BRWD3: variants seen among roughly 807,000 people sequenced by gnomAD.
The protein encoded by BRWD3 is bromodomain and WD repeat-containing protein 3.
Under a neutral mutation model 149.7 loss-of-function variants are expected in BRWD3, and 10 were observed. That is an observed-to-expected ratio of 0.07 (90% confidence interval 0.04 to 0.11). The LOEUF is 0.11. Ranked by LOEUF, BRWD3 falls within the 10% of genes least tolerant of loss-of-function variation. The pLI, the probability that BRWD3 is intolerant of heterozygous loss-of-function variation, is 1.00. For synonymous variants in BRWD3, 504 were observed against 456.7 expected (o/e 1.10, Z -1.32); for missense variants, 940 against 1,373.2 (o/e 0.68, Z 4.99).
intron 6 of BRWD3, among the ~76,000 whole-genome samples, chrX:80,790,626 G>A (rs1482774801): frequency 9.0e-6 from 1 of 110,896 alleles, no homozygotes; most frequent in Non-Finnish European, 1.9e-5. Context: ...TATATGCTTA[G>A]TTAAAAGAAA....
In BRWD3 at chrX:80,676,803, C is replaced by T; in HGVS notation, c.5215G>A (p.Gly1739Arg). 2 of 1,211,229 alleles carry T rather than the reference C, an allele frequency of 1.7e-6. No homozygotes were observed. Among genetic ancestry groups the T allele is most frequent in the Non-Finnish European group, 2.2e-6 (2 of 895,306 alleles). The change falls in exon 41 of 41, where the codon GGA (glycine) becomes AGA (arginine). Residue 1739 changes from glycine (G) to arginine (R), a missense_variant. Gly to Arg is a moderately radical substitution (Grantham distance 125). Around this residue, in one of 6 missense-constraint regions of BRWD3, gnomAD observed 349 missense variants for 419.6 expected, o/e 0.83. Transcript: ENST00000373275. ...ADDEFDTMFS[G>R]RFSRLPRIKT... Reference sequence around the variant, plus strand: ...ATTCGAGGCAGTCTACTGAAACGTCCTGAAAACATGGTATCAAATTCATCA... The same window carrying T: ...ATTCGAGGCAGTCTACTGAAACGTCTTGAAAACATGGTATCAAATTCATCA...
intron 6 of BRWD3, among the ~76,000 whole-genome samples, chrX:80,755,196 G>A (rs980794052): frequency 3.7e-5 from 4 of 109,249 alleles, no homozygotes; most frequent in East Asian, 2.8e-4. Flanking sequence ...TTTAAAAACC[G>A]CTTTACAAAA....
chrX:80,805,663 C>T (rs773691063), intron 4 of BRWD3, among the ~76,000 whole-genome samples: 1 of 112,171 alleles, frequency 8.9e-6, no homozygotes, highest in Non-Finnish European at 1.9e-5. Context: ...AGGCCGGGCG[C>T]GGTGGCTCAT....
intron 8 of BRWD3, among the ~76,000 whole-genome samples, chrX:80,738,698 G>A (rs1443185631): frequency 9.0e-6 from 1 of 111,633 alleles, no homozygotes; most frequent in African/African-American, 3.3e-5. Flanking sequence ...CCCTGAGAGG[G>A]TGACATGTGC....
chrX:80,709,613 A>G (rs778355366), intron 20 of BRWD3, 36 bp from the exon 21 acceptor site: 1 of 1,172,170 alleles, frequency 8.5e-7, no homozygotes, highest in Non-Finnish European at 1.2e-6. Flanking sequence ...TTAAAAAAGG[A>G]AAAGCTCAGT....
chrX:80,691,201 T>C, intron 30 of BRWD3, 28 bp from the exon 31 acceptor site: 3 of 1,197,224 alleles, frequency 2.5e-6, no homozygotes, highest in Non-Finnish European at 2.3e-6. Flanking sequence ...TCAAATAAGG[T>C]AGCTATAAAG....
intron 33 of BRWD3, 109 bp from the exon 34 acceptor site, chrX:80,688,234 C>T: frequency 1.6e-6 from 1 of 627,000 alleles, no homozygotes; most frequent in Non-Finnish European, 2.7e-6. Flanking sequence ...TTAACTTTCC[C>T]CACTGGAGCA....
intron 12 of BRWD3, among the ~76,000 whole-genome samples, chrX:80,731,755 C>T (rs778082237): frequency 8.3e-5 from 9 of 108,249 alleles, no homozygotes; most frequent in Non-Finnish European, 1.3e-4. Context: ...ATTAGCCAGG[C>T]GTGGTGGCGG....
chrX:80,746,759 G>T, intron 6 of BRWD3: 1 of 480,700 alleles, frequency 2.1e-6, no homozygotes, highest in Non-Finnish European at 2.6e-6. Context: ...CTGAGTTCTA[G>T]CTAGATTAGT....
intron 4 of BRWD3, among the ~76,000 whole-genome samples, chrX:80,801,214 C>CTTTTTTTTTT (rs763933804): frequency 1.7e-5 from 1 of 57,391 alleles, no homozygotes; most frequent in Admixed American, 2.9e-4. Flanking sequence ...GAGAAAACAT[C>CTTTTTTTTTT]TTTTTTTTTT....
At chrX:80,808,499 TGAAA>T in intron 4 of BRWD3, 36 bp downstream of exon 4, 1 of 1,148,278 alleles carries the variant, frequency 8.7e-7, no homozygotes, top group Non-Finnish European at 1.2e-6. Flanking sequence ...GAGGGAGTGG[TGAAA>T]GAGTTAGGTT....
At position 80,809,147 on chromosome X, in the gene BRWD3, G is replaced by T. The variant is rs954075523; in HGVS notation, c.90+99C>A. 36 of 1,139,255 alleles carry T rather than the reference G, an allele frequency of 3.2e-5. No homozygotes were observed. The Admixed American group carries it at 9.3e-4, about 29-fold the overall frequency. The allele number at this position is 1,139,255 out of a possible 1,213,427, so 93.9% of individuals were successfully genotyped here. A position where few individuals can be genotyped will look rare whatever the true frequency, so the allele number is the denominator to read the frequency against. On this transcript the variant is annotated intron_variant, in intron 2 of 40. Transcript: ENST00000373275. ...GCTGACCGTTTGACTAGTCAAGGCC[G>T]GCCTTTCCCTCACCCTCAACGGAAC...
intron 28 of BRWD3, 40 bp from the exon 29 acceptor site, chrX:80,692,190 T>C: frequency 2.7e-6 from 3 of 1,114,116 alleles, no homozygotes; most frequent in East Asian, 3.0e-5. Context: ...ATTAATCATA[T>C]AGTACTTCCT....
At chrX:80,754,824 T>C (rs2073718196) in intron 6 of BRWD3, among the ~76,000 whole-genome samples, 1 of 111,174 alleles carries the variant, frequency 9.0e-6, no homozygotes, top group Non-Finnish European at 1.9e-5. Flanking sequence ...CTGGCCAACA[T>C]GGTGAAACCC....
At chrX:80,775,422 T>C (rs1261441525) in intron 6 of BRWD3, among the ~76,000 whole-genome samples, 1 of 111,915 alleles carries the variant, frequency 8.9e-6, no homozygotes, top group South Asian at 3.7e-4. Context: ...CAGAGTATAT[T>C]GAATAAAATT....
chrX:80,714,801 G>A (rs759948722), intron 20 of BRWD3, among the ~76,000 whole-genome samples: 1 of 111,805 alleles, frequency 8.9e-6, no homozygotes, highest in African/African-American at 3.3e-5. Context: ...TCCCATTGAG[G>A]ATTATTTCTA....
At chrX:80,726,119 CAT>C (rs772068794) in intron 14 of BRWD3, among the ~76,000 whole-genome samples, 73 of 107,914 alleles carry the variant, frequency 6.8e-4, no homozygotes, top group Non-Finnish European at 7.4e-4. Flanking sequence ...GTCTGTATAA[CAT>C]ATAACACGTT....
chrX:80,783,742 TA>T (rs1028569622), intron 6 of BRWD3, among the ~76,000 whole-genome samples: 11 of 109,415 alleles, frequency 1.0e-4, no homozygotes, highest in Admixed American at 9.8e-5. Context: ...TATTCAGACA[TA>T]AAAAAAAATG....
intron 4 of BRWD3, among the ~76,000 whole-genome samples, chrX:80,801,484 G>C (rs1055078457): frequency 9.2e-6 from 1 of 108,378 alleles, no homozygotes; most frequent in Non-Finnish European, 1.9e-5. Context: ...CCAAAGTGCT[G>C]GGATTACAGG....
Sources: allele counts gnomAD v4.1 joint callset (sites outside exome capture counted in the v4.1 genomes callset), GRCh38; gene constraint gnomAD v4.1.1; regional missense constraint gnomAD v4.1.1; transcripts MANE v1.5; gene names NCBI Gene and HGNC (gene_info 2026-07-23, HGNC 2026-07-21).